Variants in PCDH15 observed in about 807,000 individuals in gnomAD.
PCDH15 encodes protocadherin-15.
PCDH15 carries 129 observed loss-of-function variants against 178.5 expected under a neutral mutation model. The ratio of observed to expected loss-of-function variants is 0.72; its 90% CI spans 0.63 to 0.84. The LOEUF (loss-of-function observed/expected upper bound fraction) is 0.84. PCDH15 is among the 40% of genes least tolerant of loss of function. The probability of loss-of-function intolerance (pLI) is 0.00; values close to 1 mark genes in which losing one functional copy is unlikely to be tolerated. For missense variants in PCDH15, 2,230 were observed against 2,099.9 expected (o/e 1.06, Z -1.21); for synonymous variants, 800 against 732.0 (o/e 1.09, Z -1.50).
At chr10:55,532,075 C>G (rs887539435) in intron 2 of PCDH15, among the ~76,000 whole-genome samples, 2 of 151,834 alleles carry the variant, frequency 1.3e-5, no homozygotes, top group Non-Finnish European at 2.9e-5. Context: ...CTATGAATAA[C>G]AGTTGTACAT....
intron 2 of PCDH15, among the ~76,000 whole-genome samples, chr10:54,645,965 T>C (rs903878210): frequency 6.6e-6 from 1 of 152,108 alleles, no homozygotes. Flanking sequence ...TCATCAAAAA[T>C]CATACATTAA....
At chr10:53,984,229 A>G (rs916409693) in intron 21 of PCDH15, among the ~76,000 whole-genome samples, 2 of 134,942 alleles carry the variant, frequency 1.5e-5, no homozygotes, top group African/African-American at 5.8e-5. Context: ...TGCTCACTGC[A>G]AGTTCCGCCT....
intron 2 of PCDH15, among the ~76,000 whole-genome samples, chr10:55,088,944 G>A (rs924455156): frequency 2.0e-5 from 3 of 151,726 alleles, no homozygotes; most frequent in Admixed American, 1.3e-4. Context: ...TTGTATGCAG[G>A]GCCCAAAGCA....
chr10:55,515,248 G>A (rs1261561285), intron 2 of PCDH15, among the ~76,000 whole-genome samples: 4 of 151,892 alleles, frequency 2.6e-5, no homozygotes, highest in African/African-American at 4.8e-5. Context: ...CAAAGTGCTA[G>A]GATTACAGGC....
rs1367457752 is a variant in PCDH15 at position 54,307,028 on chromosome 10, A to ATATGTGTG, written c.876+10242_876+10243insCACACATA. ...TATATATATATACATATATATATAT[A>ATATGTGTG]TGTGTGTGTGTGTATATATATATAT... On this transcript the variant is annotated intron_variant, in intron 8 of 37. Transcript: ENST00000644397. 2.1e-3 allele frequency among the ~76,000 whole-genome samples: 64 copies of ATATGTGTG among 30,722 alleles called. 1 individual carries two copies. The highest frequency in any genetic ancestry group is 5.6e-3 in the African/African-American group (46 of 8,268). 20.2% of individuals were successfully genotyped at this position (30,722 alleles called of 152,430 possible). A position where few individuals can be genotyped will look rare whatever the true frequency, so the allele number is the denominator to read the frequency against.
intron 21 of PCDH15, among the ~76,000 whole-genome samples, chr10:53,975,071 A>G (rs1371054412): frequency 6.6e-6 from 1 of 152,096 alleles, no homozygotes; most frequent in Non-Finnish European, 1.5e-5. Context: ...ACTTGGTATA[A>G]TTGTTTCCAG....
At chr10:53,977,108 G>C (rs1316422019) in intron 21 of PCDH15, among the ~76,000 whole-genome samples, 1 of 152,064 alleles carries the variant, frequency 6.6e-6, no homozygotes, top group Non-Finnish European at 1.5e-5. Flanking sequence ...TCTGGGAGAT[G>C]TATTTGACAC....
chr10:55,323,957 G>A (rs1300386181), upstream of PCDH15, among the ~76,000 whole-genome samples: 1 of 152,058 alleles, frequency 6.6e-6, no homozygotes, highest in African/African-American at 2.4e-5. Flanking sequence ...GCCAGGTGGG[G>A]ATAATTGAAT....
chr10:54,844,743 A>G (rs1953475826), intron 3 of PCDH15, among the ~76,000 whole-genome samples: 1 of 152,026 alleles, frequency 6.6e-6, no homozygotes, highest in Non-Finnish European at 1.5e-5. Flanking sequence ...CTCAATGTTA[A>G]CTATTAAAAT....
intron 1 of PCDH15, among the ~76,000 whole-genome samples, chr10:55,208,505 C>T (rs1284800078): frequency 6.6e-6 from 1 of 152,030 alleles, no homozygotes; most frequent in Non-Finnish European, 1.5e-5. Flanking sequence ...TTTCAACTTG[C>T]TCATATTTCT....
At chr10:53,887,532 G>C (rs1375889145) in intron 26 of PCDH15, among the ~76,000 whole-genome samples, 3 of 151,958 alleles carry the variant, frequency 2.0e-5, no homozygotes, top group Admixed American at 6.6e-5. Context: ...ACAGCTTCAC[G>C]TTTCTTCTTT....
intron 2 of PCDH15, among the ~76,000 whole-genome samples, chr10:54,935,139 G>T (rs905733676): frequency 6.6e-6 from 1 of 151,692 alleles, no homozygotes; most frequent in Non-Finnish European, 1.5e-5. Flanking sequence ...TAAATGAGGA[G>T]TTAATGGGTG....
chr10:54,291,958 C>A (rs1033685174), intron 8 of PCDH15, among the ~76,000 whole-genome samples: 4 of 152,174 alleles, frequency 2.6e-5, no homozygotes, highest in African/African-American at 9.7e-5. Flanking sequence ...GGAATCCTCC[C>A]TAACTCATTT....
intron 35 of PCDH15, among the ~76,000 whole-genome samples, chr10:53,814,753 C>T (rs1264134519): frequency 1.3e-5 from 2 of 152,000 alleles, no homozygotes; most frequent in African/African-American, 4.8e-5. Flanking sequence ...ATCACAAGGT[C>T]GAGAGACAGA....
chr10:55,157,103 T>C (rs1330757581), intron 2 of PCDH15, among the ~76,000 whole-genome samples: 1 of 144,708 alleles, frequency 6.9e-6, no homozygotes, highest in Admixed American at 7.4e-5. Flanking sequence ...TTAACACATA[T>C]GTGAAGGCAG....
At chr10:55,530,957 A>C (rs1841438724) in intron 2 of PCDH15, among the ~76,000 whole-genome samples, 1 of 151,954 alleles carries the variant, frequency 6.6e-6, no homozygotes, top group Non-Finnish European at 1.5e-5. Flanking sequence ...TTTAGGCTGA[A>C]GTGGAAGTAT....
intron 13 of PCDH15, among the ~76,000 whole-genome samples, chr10:54,173,746 CAAT>C (rs763824494): frequency 1.3e-5 from 2 of 151,986 alleles, no homozygotes; most frequent in Non-Finnish European, 2.9e-5. Context: ...AAAAAATTGA[CAAT>C]AATTTTATTC....
chr10:54,769,456 CA>C, intron 1 of PCDH15, among the ~76,000 whole-genome samples: 1 of 141,382 alleles, frequency 7.1e-6, no homozygotes, highest in South Asian at 2.3e-4. Flanking sequence ...TTTTTTTTTT[CA>C]AAAATTAGTG....
chr10:54,848,458 G>C (rs1953552306), intron 3 of PCDH15, among the ~76,000 whole-genome samples: 2 of 149,912 alleles, frequency 1.3e-5, no homozygotes, highest in South Asian at 2.1e-4. Context: ...TTCAAGAAGA[G>C]AGAGACTTGA....
Sources: allele counts gnomAD v4.1 joint callset (sites outside exome capture counted in the v4.1 genomes callset), GRCh38; gene constraint gnomAD v4.1.1; transcripts MANE v1.5; gene names NCBI Gene and HGNC (gene_info 2026-07-23, HGNC 2026-07-21).